The following SEMA5A variants were observed in gnomAD, a reference collection of about 807,000 sequenced individuals.
The protein encoded by SEMA5A is semaphorin 5A, also known as semaphorin-5A.
Under a neutral mutation model 135.5 loss-of-function variants are expected in SEMA5A, and 55 were observed. The observed-to-expected ratio is 0.41, with a 90% CI of 0.33 to 0.51. The LOEUF (loss-of-function observed/expected upper bound fraction) is 0.51. SEMA5A is among the 20% of genes least tolerant of loss of function. SEMA5A has a pLI of 0.37. For synonymous variants in SEMA5A, 580 were observed against 546.5 expected, an observed-to-expected ratio of 1.06 and a Z score of -0.85; for missense variants, 1,290 against 1,419.9, an observed-to-expected ratio of 0.91 and a Z score of 1.47.
intron 11 of SEMA5A, among the ~76,000 whole-genome samples, chr5:9,189,491 C>A (rs1286522581): frequency 6.6e-6 from 1 of 150,570 alleles, no homozygotes; most frequent in Non-Finnish European, 1.5e-5. Flanking sequence ...TTATTATCAG[C>A]AACAAAAACA....
At chr5:9,405,252 G>C (rs1296968214) in intron 2 of SEMA5A, among the ~76,000 whole-genome samples, 4 of 152,176 alleles carry the variant, frequency 2.6e-5, no homozygotes, top group African/African-American at 9.7e-5. Flanking sequence ...ACTCCCCAGA[G>C]ATTCAAAATT....
chr5:9,330,037 C>G (rs1753050022), intron 4 of SEMA5A, among the ~76,000 whole-genome samples: 1 of 151,916 alleles, frequency 6.6e-6, no homozygotes, highest in Admixed American at 6.6e-5. Context: ...TCTGCAGATG[C>G]AGAACCCAGG....
At chr5:9,220,557 C>CA (rs927020044) in intron 8 of SEMA5A, among the ~76,000 whole-genome samples, 1 of 151,716 alleles carries the variant, frequency 6.6e-6, no homozygotes, top group Non-Finnish European at 1.5e-5. Flanking sequence ...AAAAAAACAA[C>CA]AAAAAAAATT....
At chr5:9,072,453 T>C (rs1008691439) in intron 16 of SEMA5A, among the ~76,000 whole-genome samples, 8 of 151,752 alleles carry the variant, frequency 5.3e-5, no homozygotes, top group Admixed American at 5.3e-4. Context: ...GTAACAGAGG[T>C]TTTGACTTAA....
chr5:9,365,260 T>C (rs1754865328), intron 3 of SEMA5A, among the ~76,000 whole-genome samples: 1 of 152,162 alleles, frequency 6.6e-6, no homozygotes, highest in South Asian at 2.1e-4. Context: ...AAGTACCTCA[T>C]TTGGAGTGTA....
intron 3 of SEMA5A, among the ~76,000 whole-genome samples, chr5:9,347,230 T>C (rs1324318861): frequency 6.6e-6 from 1 of 152,178 alleles, no homozygotes; most frequent in Non-Finnish European, 1.5e-5. Context: ...TCTTTTCTGG[T>C]TTCTATTGCA....
At chr5:9,488,593 G>A (rs572543256) in intron 1 of SEMA5A, among the ~76,000 whole-genome samples, 1 of 152,212 alleles carries the variant, frequency 6.6e-6, no homozygotes, top group African/African-American at 2.4e-5. Context: ...AGCTGCATGG[G>A]TCATATGTCT....
chr5:9,228,039 G>T (rs1747415595), intron 6 of SEMA5A, among the ~76,000 whole-genome samples: 1 of 152,180 alleles, frequency 6.6e-6, no homozygotes, highest in Non-Finnish European at 1.5e-5. Context: ...GAGCTGGAGA[G>T]CTCCTCACTT....
intron 11 of SEMA5A, among the ~76,000 whole-genome samples, chr5:9,156,281 C>T (rs1382723857): frequency 6.6e-6 from 1 of 152,174 alleles, no homozygotes; most frequent in Non-Finnish European, 1.5e-5. Context: ...AATTCAGCCT[C>T]AATGATTCTT....
intron 2 of SEMA5A, among the ~76,000 whole-genome samples, chr5:9,423,718 T>C (rs1257236269): frequency 6.6e-6 from 1 of 152,228 alleles, no homozygotes; most frequent in Non-Finnish European, 1.5e-5. Flanking sequence ...ACAATGCAAG[T>C]GAGGTTAACA....
chr5:9,078,588 C>T (rs1199690511), intron 16 of SEMA5A, among the ~76,000 whole-genome samples: 1 of 88,676 alleles, frequency 1.1e-5, no homozygotes, highest in Non-Finnish European at 2.0e-5. Flanking sequence ...TGGGTATGTA[C>T]ACACACACAC....
intron 1 of SEMA5A, chr5:9,517,893 C>T (rs1447158968): frequency 6.6e-6 from 1 of 152,130 alleles, no homozygotes; most frequent in African/African-American, 2.4e-5. Flanking sequence ...ATTGTTCTCC[C>T]TTCTGGTCAC....
At chr5:9,461,428 C>T (rs1205259176) in intron 1 of SEMA5A, among the ~76,000 whole-genome samples, 11 of 152,224 alleles carry the variant, frequency 7.2e-5, no homozygotes, top group African/African-American at 2.4e-5. Context: ...CAGCTTGCCC[C>T]TGTTATTACT....
intron 19 of SEMA5A, chr5:9,053,755 CAA>C (rs1251520069): frequency 5.2e-6 from 1 of 192,486 alleles, no homozygotes; most frequent in African/African-American, 2.3e-5. Context: ...TGTTAATTAG[CAA>C]AGTCAAGAAT....
chr5:9,357,236 A>G (rs140874265), intron 3 of SEMA5A, among the ~76,000 whole-genome samples: 83 of 152,304 alleles, frequency 5.4e-4, no homozygotes, highest in African/African-American at 1.9e-3. Flanking sequence ...TTAATGCCAT[A>G]CAGAGATTTT....
Position 9,365,338 on chromosome 5 carries a change from G to A in SEMA5A, c.124+14485C>T, listed in dbSNP as rs866930600. ...ATATTTTAATATAATATTTTTCAAG[G>A]TCTAGATTAATGCAAAAATCCAGGA... is the stretch of plus-strand genomic sequence containing the variant. On this transcript the variant is annotated intron_variant, in intron 3 of 22. Coordinates refer to ENST00000382496, the MANE Select transcript of SEMA5A (RefSeq NM_003966.3). Among the ~76,000 whole-genome samples the A allele has an allele frequency of 2.2e-4, 33 of 152,052 alleles. 1 individual carries two copies. The highest frequency in any genetic ancestry group is 3.4e-3 in the Middle Eastern group (1 of 294).
intron 1 of SEMA5A, among the ~76,000 whole-genome samples, chr5:9,506,401 G>A (rs1222366218): frequency 6.6e-6 from 1 of 152,134 alleles, no homozygotes; most frequent in African/African-American, 2.4e-5. Flanking sequence ...AATATAATGG[G>A]TCATATTAGA....
chr5:9,454,149 G>C (rs1208506213), intron 1 of SEMA5A, among the ~76,000 whole-genome samples: 2 of 152,154 alleles, frequency 1.3e-5, no homozygotes, highest in East Asian at 3.8e-4. Flanking sequence ...ACACAAATCT[G>C]TACCATTGAC....
chr5:9,417,195 G>A (rs1035582479), intron 2 of SEMA5A, among the ~76,000 whole-genome samples: 3 of 152,134 alleles, frequency 2.0e-5, no homozygotes, highest in African/African-American at 4.8e-5. Context: ...TTTACATTTT[G>A]CCCATAAGAA....
Sources: allele counts gnomAD v4.1 joint callset (sites outside exome capture counted in the v4.1 genomes callset), GRCh38; gene constraint gnomAD v4.1.1; transcripts MANE v1.5; gene names NCBI Gene and HGNC (gene_info 2026-07-23, HGNC 2026-07-21).